Variants in PLCD1 observed in about 807,000 individuals in gnomAD.
PLCD1 encodes 1-phosphatidylinositol 4,5-bisphosphate phosphodiesterase delta-1.
PLCD1 carries 71 observed loss-of-function variants against 87.4 expected under a neutral mutation model. That is an observed-to-expected ratio of 0.81 (90% confidence interval 0.67 to 0.99). The LOEUF is 0.99. PLCD1 is among the 50% of genes least tolerant of loss of function. The pLI, the probability that PLCD1 is intolerant of heterozygous loss-of-function variation, is 0.00. For missense variants in PLCD1, 867 were observed against 1,001.5 expected (o/e 0.87, Z 1.81); for synonymous variants, 348 against 399.2 (o/e 0.87, Z 1.53).
chr3:38,029,313 G>C (rs1434919458), intron 1 of PLCD1, among the ~76,000 whole-genome samples, 193 bp downstream of exon 1: 1 of 140,824 alleles, frequency 7.1e-6, no homozygotes, highest in Non-Finnish European at 1.5e-5. Flanking sequence ...GAAACGCCCA[G>C]GGTCGTGCCC....
In PLCD1 at chr3:38,010,361, C is replaced by G; in HGVS notation, c.992G>C (p.Arg331Pro). 2 of 1,614,158 alleles carry G rather than the reference C, an allele frequency of 1.2e-6. No homozygotes were observed. Among genetic ancestry groups the G allele is most frequent in the Non-Finnish European group, 1.7e-6 (2 of 1,180,008 alleles). Residue 331 changes from arginine (R) to proline (P), a missense_variant and splice_region_variant, in exon 6 of 15, where the codon CGG becomes CCG. Coordinates refer to ENST00000334661, the MANE Select transcript of PLCD1 (RefSeq NM_006225.4). ...AGPSSTEAYI[R>P]ALCKGCRCLE... Reference sequence around the variant, plus strand: ...CGACCCAAGGCTCCCTGAGCAGCACCGGATGTAGGCTTCAGTGCTGCTGGG... The same window carrying G: ...CGACCCAAGGCTCCCTGAGCAGCACGGGATGTAGGCTTCAGTGCTGCTGGG...
rs758946297 is a variant in PLCD1, at chr3:38,008,038, T to C, written c.2161A>G (p.Ile721Val). Residue 721 changes from isoleucine to valine, a missense_variant, in exon 14 of 15, where the codon ATC (isoleucine) becomes GTC (valine). Physicochemically the swap from Ile to Val is conservative, Grantham distance 29. Transcript: ENST00000334661. The part of the protein sequence containing the change: ...SKNDFIGQST[I>V]PLNSLKQGYR... ...CCTTGCTTGAGGCTGTTCAAGGGGA[T>C]GGTACTCTGGCCAATGAAGTCATTC... is the stretch of plus-strand genomic sequence containing the variant. 6.8e-6 allele frequency: 11 copies of C among 1,614,074 alleles called. No individual in the cohort carries two copies. In the Admixed American group the frequency reaches 1.8e-4, roughly 27 times the overall value.
chr3:38,010,910 A>AG (rs1479564667), intron 5 of PLCD1, among the ~76,000 whole-genome samples: 4 of 152,164 alleles, frequency 2.6e-5, no homozygotes, highest in African/African-American at 9.7e-5. Context: ...TGAGTAAAAA[A>AG]AAAAGAAGCA....
chr3:38,012,500 T>C (rs1444905382), intron 3 of PLCD1, among the ~76,000 whole-genome samples: 1 of 151,528 alleles, frequency 6.6e-6, no homozygotes, highest in African/African-American at 2.4e-5. Flanking sequence ...GGAAAACATA[T>C]ATATGTTAGA....
chr3:38,010,245 C>T lies in PLCD1; in HGVS notation c.1023G>A (p.Glu341=), dbSNP rs1224474620. The change falls in exon 7 of 15, where the codon GAG becomes GAA. Residue 341 remains glutamate (E), a synonymous_variant. Transcript: ENST00000334661. ...RALCKGCRCL[E]LDCWDGPNQE... Reference sequence around the variant, plus strand: ...GGTTGGGCCCGTCCCAGCAGTCAAGCTCCAGGCATCGGCAGCCTTTGCACA... The same window carrying T: ...GGTTGGGCCCGTCCCAGCAGTCAAGTTCCAGGCATCGGCAGCCTTTGCACA... The T allele has an allele frequency of 1.9e-5, 30 of 1,614,122 alleles. No homozygotes were observed. The highest frequency in any genetic ancestry group is 2.3e-5 in the Non-Finnish European group (27 of 1,180,048).
chr3:38,021,984 A>G (rs1180298001), intron 1 of PLCD1, among the ~76,000 whole-genome samples: 4 of 152,120 alleles, frequency 2.6e-5, no homozygotes, highest in Non-Finnish European at 5.9e-5. Context: ...ATCCTTCCCC[A>G]GTCTCCTGCT....
In PLCD1 at chr3:38,009,325, T is replaced by C. The variant is rs141618224; in HGVS notation, c.1553A>G (p.Tyr518Cys). The C allele has an allele frequency of 6.2e-6, 10 of 1,613,974 alleles. No homozygotes were observed. The highest frequency in any genetic ancestry group is 1.6e-4 in the Middle Eastern group (1 of 6,084). ...SSPGTPGQAF[Y>C]EMASFSENRA... ...GTTCTCAGAGAAGGACGCCATCTCG[T>C]AGAAGGCCTGTCCAGGGGTGCCAGG... Residue 518 changes from tyrosine to cysteine, a missense_variant, in exon 10 of 15, where the codon TAC (tyrosine) becomes TGC (cysteine). Tyr to Cys is a radical substitution (Grantham distance 194). Transcript: ENST00000334661.
chr3:38,020,462 G>A, intron 1 of PLCD1, 110 bp from the exon 2 acceptor site: 1 of 1,009,834 alleles, frequency 9.9e-7, no homozygotes, highest in Non-Finnish European at 1.5e-6. Context: ...CTTTTCACCA[G>A]CCTCATCCTC....
intron 1 of PLCD1, among the ~76,000 whole-genome samples, chr3:38,021,819 AG>A: frequency 6.6e-6 from 1 of 152,244 alleles, no homozygotes; most frequent in South Asian, 2.1e-4. Flanking sequence ...ATGAAGCCAC[AG>A]GCCTTTTCTT....
Position 38,016,594 on chromosome 3 carries a change from C to G in PLCD1, c.325G>C (p.Asp109His). 1 of 1,613,908 alleles carries G rather than the reference C, an allele frequency of 6.2e-7. No homozygotes were observed. The highest frequency in any genetic ancestry group is 8.5e-7 in the Non-Finnish European group (1 of 1,179,890). ...TCAGCTGGCGATGGGGCGATGAGGTCTAGTGTATTGCGCTGGTCCTTGAAG... is the reference window on the plus strand; with the variant it reads ...TCAGCTGGCGATGGGGCGATGAGGTGTAGTGTATTGCGCTGGTCCTTGAAG... The part of the protein sequence containing the change: ...IVFKDQRNTL[D>H]LIAPSPADAQ... The change falls in exon 3 of 15, where the codon GAC (aspartate) becomes CAC (histidine). Residue 109 changes from aspartate (D) to histidine (H), a missense_variant. Transcript: ENST00000334661.
rs531907199 is a variant in PLCD1 at position 38,010,503 on chromosome 3, C to T, written c.850G>A (p.Gly284Ser). Residue 284 changes from glycine (G) to serine (S), a missense_variant, in exon 6 of 15, where the codon GGC (glycine) becomes AGC (serine). Transcript: ENST00000334661. The stretch of plus-strand genomic sequence containing the variant: ...CGGTGTGCCAGGCTGAAGGCGCTGC[C>T]GTCAGCCGACAGTAAGTACATGAGG... ...GFLMYLLSAD[G>S]SAFSLAHRRV... 12 of 1,613,984 alleles carry T rather than the reference C, an allele frequency of 7.4e-6. No individual in the cohort carries two copies. Among genetic ancestry groups the T allele is most frequent in the African/African-American group, 1.3e-5 (1 of 75,056 alleles).
chr3:38,014,674 C>A (rs372141306), intron 3 of PLCD1: 1 of 153,498 alleles, frequency 6.5e-6, no homozygotes, highest in South Asian at 2.1e-4. Flanking sequence ...CCTAAAAAAA[C>A]CCATCAAGAA....
At position 38,011,629 on chromosome 3, in the gene PLCD1, T is replaced by C. The variant is rs753570569; in HGVS notation, c.473A>G (p.Asn158Ser). The C allele has an allele frequency of 6.2e-6, 10 of 1,614,082 alleles. No individual in the cohort carries two copies. The highest frequency in any genetic ancestry group is 5.3e-5 in the African/African-American group (4 of 74,932). ...CLRKADKNKD[N>S]KMSFKELQNF... is the part of the protein sequence containing the mutation. ...CTGCAGCTCCTTGAAGCTCATCTTGTTGTCCTTGTTTTTGTCAGCTTTTCG... is the reference window on the plus strand; with the variant it reads ...CTGCAGCTCCTTGAAGCTCATCTTGCTGTCCTTGTTTTTGTCAGCTTTTCG... The change falls in exon 4 of 15, where the codon AAC (asparagine) becomes AGC (serine). Residue 158 changes from asparagine to serine, a missense_variant. Physicochemically the swap from Asn to Ser is conservative, Grantham distance 46. Transcript: ENST00000334661.
At position 38,010,526 on chromosome 3, in the gene PLCD1, A is replaced by T. The variant is rs1396847580; in HGVS notation, c.827T>A (p.Leu276His). 16 of 1,614,116 alleles carry T rather than the reference A, an allele frequency of 9.9e-6. No homozygotes were observed. The highest frequency in any genetic ancestry group is 1.3e-5 in the African/African-American group (1 of 75,064). The change falls in exon 6 of 15, where the codon CTC becomes CAC. Residue 276 changes from leucine (L) to histidine (H), a missense_variant. Leu to His is a moderately conservative substitution (Grantham distance 99, BLOSUM62 -3). Coordinates refer to ENST00000334661, the MANE Select transcript of PLCD1 (RefSeq NM_006225.4). ...AQRQMTKDGF[L>H]MYLLSADGSA... ...GCCGTCAGCCGACAGTAAGTACATG[A>T]GGAAGCCGTCCTTGGTCATCTGCCG...
intron 3 of PLCD1, among the ~76,000 whole-genome samples, chr3:38,012,322 T>A (rs73060840): frequency 0.057 from 8,692 of 151,946 alleles, 274 homozygotes; most frequent in Middle Eastern, 0.082. Context: ...CAACATATAA[T>A]ATATAATAAT....
rs1463790972 is a variant in PLCD1 at position 38,007,536 on chromosome 3, G to A, written c.*237C>T. 18 of 658,952 alleles carry A rather than the reference G, an allele frequency of 2.7e-5. No homozygotes were observed. Among genetic ancestry groups the A allele is most frequent in the Non-Finnish European group, 4.7e-5 (17 of 361,284 alleles). The allele number at this position is 658,952 out of a possible 1,614,324, so 40.8% of individuals were successfully genotyped here. A position where few individuals can be genotyped will look rare whatever the true frequency, so the allele number is the denominator to read the frequency against. ...TTTTTATAAAAATCCTTGACCACTC[G>A]CTGGCCGGAGGGTGGAGAGGGCTGC... is the stretch of plus-strand genomic sequence containing the variant. On this transcript the variant is annotated 3_prime_UTR_variant, in exon 15 of 15. Coordinates refer to ENST00000334661, the MANE Select transcript of PLCD1 (RefSeq NM_006225.4).
chr3:38,027,814 C>A (rs1700324308), intron 1 of PLCD1, among the ~76,000 whole-genome samples: 1 of 152,238 alleles, frequency 6.6e-6, no homozygotes, highest in Non-Finnish European at 1.5e-5. Flanking sequence ...GTTCTTATTT[C>A]CCCATCTGGT....
intron 1 of PLCD1, among the ~76,000 whole-genome samples, 197 bp downstream of exon 1, chr3:38,029,309 C>T (rs914901695): frequency 1.3e-5 from 2 of 151,822 alleles, no homozygotes; most frequent in African/African-American, 4.8e-5. Flanking sequence ...CCTGGAAACG[C>T]CCAGGGTCGT....
chr3:38,008,004 T>TGACA lies in PLCD1; in HGVS notation c.2185+6_2185+9dup, dbSNP rs1245473653. 3.1e-6 allele frequency: 5 copies of TGACA among 1,614,150 alleles called. No homozygotes were observed. The highest frequency in any genetic ancestry group is 4.2e-6 in the Non-Finnish European group (5 of 1,180,010). On this transcript the variant is annotated intron_variant, in intron 14 of 14. Transcript: ENST00000334661. ...CACCACCTTGGCCATCCCCTTCTCT[T>TGACA]GACACTCACCTTGCTTGAGGCTGTT...
Sources: allele counts gnomAD v4.1 joint callset (sites outside exome capture counted in the v4.1 genomes callset), GRCh38; gene constraint gnomAD v4.1.1; transcripts MANE v1.5; gene names NCBI Gene and HGNC (gene_info 2026-07-23, HGNC 2026-07-21).